Variants in PPFIBP1 observed in about 807,000 individuals in gnomAD.
The protein encoded by PPFIBP1 is PPFIB scaffold protein 1, also known as liprin-beta-1.
A neutral mutation model predicts 137.8 loss-of-function variants in PPFIBP1; 112 were observed. That is an observed-to-expected ratio of 0.81 (90% CI 0.70 to 0.95). PPFIBP1 has a LOEUF of 0.95. Ranked by LOEUF, PPFIBP1 falls within the 40% of genes least tolerant of loss-of-function variation. The probability of loss-of-function intolerance (pLI) is 0.00; values close to 1 mark genes in which losing one functional copy is unlikely to be tolerated. For synonymous variants in PPFIBP1, 378 were observed against 417.3 expected (o/e 0.91, Z 1.15); for missense variants, 1,083 against 1,196.6 (o/e 0.91, Z 1.40).
chr12:27,525,103 C>CT (rs997294505), intron 1 of PPFIBP1, among the ~76,000 whole-genome samples: 1 of 151,994 alleles, frequency 6.6e-6, no homozygotes, highest in Non-Finnish European at 1.5e-5. Flanking sequence ...TTTCAGGGAT[C>CT]TTTTTTAGAG....
Position 27,676,464 on chromosome 12 carries a change from C to A in PPFIBP1, c.1447C>A (p.Leu483Ile). Reference protein sequence around the residue: ...APAESRPFGTLPPRPPGQDTS... With the variant: ...APAESRPFGTIPPRPPGQDTS... ...GGCAGAAAGCAGGCCATTTGGGACC[C>A]TTCCTCCCAGGCCCCCAGGGCAGGA... Residue 483 changes from leucine to isoleucine, a missense_variant, in exon 18 of 30, where the codon CTT (leucine) becomes ATT (isoleucine). By Grantham distance (5) the Leu-to-Ile change is conservative. Coordinates refer to ENST00000228425, the MANE Select transcript of PPFIBP1 (RefSeq NM_003622.4). The A allele has an allele frequency of 1.3e-6, 2 of 1,573,504 alleles. No individual in the cohort carries two copies. Among genetic ancestry groups the A allele is most frequent in the South Asian group, 1.2e-5 (1 of 86,084 alleles).
intron 2 of PPFIBP1, among the ~76,000 whole-genome samples, chr12:27,580,732 C>T (rs2051021233): frequency 6.6e-6 from 1 of 152,106 alleles, no homozygotes; most frequent in Non-Finnish European, 1.5e-5. Context: ...AGGAAGGATG[C>T]AAGGAAACAT....
chr12:27,638,905 AGAGG>A (rs2057893534), intron 4 of PPFIBP1, among the ~76,000 whole-genome samples: 3 of 151,768 alleles, frequency 2.0e-5, no homozygotes, highest in African/African-American at 2.4e-5. Context: ...GGCCAACTTG[AGAGG>A]CCCTGTACTT....
At chr12:27,620,537 T>A (rs1445464789) in intron 2 of PPFIBP1, among the ~76,000 whole-genome samples, 1 of 152,222 alleles carries the variant, frequency 6.6e-6, no homozygotes, top group Non-Finnish European at 1.5e-5. Context: ...CATGATTATC[T>A]GATCAAAACT....
intron 1 of PPFIBP1, among the ~76,000 whole-genome samples, chr12:27,569,626 G>A (rs1242731440): frequency 2.0e-5 from 3 of 152,140 alleles, no homozygotes; most frequent in Non-Finnish European, 4.4e-5. Flanking sequence ...TACAATCTCG[G>A]CTAACTGCAA....
At chr12:27,585,355 A>G (rs1375259963) in intron 2 of PPFIBP1, among the ~76,000 whole-genome samples, 1 of 152,264 alleles carries the variant, frequency 6.6e-6, no homozygotes, top group African/African-American at 2.4e-5. Context: ...CACTCAGGAA[A>G]CATCTACGCT....
intron 1 of PPFIBP1, among the ~76,000 whole-genome samples, chr12:27,558,963 TC>T (rs1329777387): frequency 6.6e-6 from 1 of 151,470 alleles, no homozygotes; most frequent in African/African-American, 2.4e-5. Context: ...CAGGTGATCA[TC>T]CTGTCTCAGC....
intron 1 of PPFIBP1, among the ~76,000 whole-genome samples, chr12:27,551,207 CTGATAGACAGG>C (rs1946743314): frequency 6.6e-6 from 1 of 152,096 alleles, no homozygotes; most frequent in Non-Finnish European, 1.5e-5. Flanking sequence ...AGAGTGTGAT[CTGATAGACAGG>C]TGCTCAGTGC....
intron 2 of PPFIBP1, among the ~76,000 whole-genome samples, chr12:27,613,427 G>A (rs2055373986): frequency 6.6e-6 from 1 of 152,218 alleles, no homozygotes; most frequent in Non-Finnish European, 1.5e-5. Context: ...TCAGAGATCA[G>A]GCACAGTGGC....
At chr12:27,678,476 G>A (rs2060656290) in intron 19 of PPFIBP1, among the ~76,000 whole-genome samples, 1 of 152,184 alleles carries the variant, frequency 6.6e-6, no homozygotes, top group South Asian at 2.1e-4. Context: ...AATGCCAAAG[G>A]AGAAGGAGTA....
intron 1 of PPFIBP1, among the ~76,000 whole-genome samples, chr12:27,546,603 G>A (rs2136112708): frequency 1.3e-5 from 2 of 152,286 alleles, no homozygotes; most frequent in South Asian, 4.1e-4. Flanking sequence ...ACAATAGCAG[G>A]AGCTCCTGAT....
chr12:27,676,616 T>C lies in PPFIBP1; in HGVS notation c.1582+17T>C, dbSNP rs1308778454. ...CAAACTTAGGTACGTATGACCAAAA[T>C]GCCTTTGCCCTAATTCTTCCACAAG... On this transcript the variant is annotated intron_variant, in intron 18 of 29. Coordinates refer to ENST00000228425, the MANE Select transcript of PPFIBP1 (RefSeq NM_003622.4). The C allele has an allele frequency of 1.3e-6, 2 of 1,541,922 alleles. No individual in the cohort carries two copies. The highest frequency in any genetic ancestry group is 2.8e-5 in the African/African-American group (2 of 72,672).
chr12:27,669,214 A>G (rs1191622534), intron 13 of PPFIBP1, among the ~76,000 whole-genome samples: 1 of 152,256 alleles, frequency 6.6e-6, no homozygotes, highest in African/African-American at 2.4e-5. Context: ...AGAAGAAAAC[A>G]TTGAAAATTT....
At chr12:27,609,508 C>G (rs1223876184) in intron 2 of PPFIBP1, among the ~76,000 whole-genome samples, 1 of 152,216 alleles carries the variant, frequency 6.6e-6, no homozygotes, top group Non-Finnish European at 1.5e-5. Flanking sequence ...CTTGTCCAGT[C>G]TACCAACTCC....
intron 1 of PPFIBP1, among the ~76,000 whole-genome samples, chr12:27,568,495 C>A (rs1235978667): frequency 6.6e-6 from 1 of 152,198 alleles, no homozygotes; most frequent in Non-Finnish European, 1.5e-5. Context: ...CAGCTTCCAA[C>A]TGTGTAAGGA....
chr12:27,600,989 C>A (rs1469607982), intron 2 of PPFIBP1, among the ~76,000 whole-genome samples: 1 of 152,084 alleles, frequency 6.6e-6, no homozygotes, highest in Non-Finnish European at 1.5e-5. Flanking sequence ...AAAATCATTT[C>A]TTTCAGCTAT....
chr12:27,599,679 A>G (rs530938314), intron 2 of PPFIBP1, among the ~76,000 whole-genome samples: 2 of 152,196 alleles, frequency 1.3e-5, no homozygotes, highest in Non-Finnish European at 2.9e-5. Flanking sequence ...TAAGCATACA[A>G]AAAAGAGACA....
intron 4 of PPFIBP1, among the ~76,000 whole-genome samples, chr12:27,645,720 A>G (rs1406347063): frequency 2.6e-5 from 4 of 152,084 alleles, no homozygotes; most frequent in Non-Finnish European, 4.4e-5. Flanking sequence ...GACCTCAACA[A>G]CTCGGGGTGC....
chr12:27,657,571 T>G (rs2139819959), intron 9 of PPFIBP1, among the ~76,000 whole-genome samples: 1 of 151,920 alleles, frequency 6.6e-6, no homozygotes. Flanking sequence ...GTCTGTCCAA[T>G]GAGGGACTTG....
Sources: gnomAD v4.1 joint callset for allele counts (sites outside exome capture counted in the v4.1 genomes callset) on GRCh38, gnomAD v4.1.1 for gene constraint, MANE v1.5 for transcripts, NCBI Gene and HGNC (gene_info 2026-07-23, HGNC 2026-07-21) for gene names.